The following LRRC4C variants were observed in gnomAD, a reference collection of about 807,000 sequenced individuals.
LRRC4C encodes leucine rich repeat containing 4C, also known as leucine-rich repeat-containing protein 4C.
A neutral mutation model predicts 33.6 loss-of-function variants in LRRC4C; 5 were observed. The observed-to-expected ratio is 0.15, with a 90% CI of 0.08 to 0.31. The LOEUF (loss-of-function observed/expected upper bound fraction) is 0.31, where lower values mean the gene tolerates loss of function less well. Ranked by LOEUF, LRRC4C falls within the 10% of genes least tolerant of loss-of-function variation. The pLI, the probability that LRRC4C is intolerant of heterozygous loss-of-function variation, is 1.00. For missense variants in LRRC4C, 560 were observed against 796.7 expected (o/e 0.70, Z 3.58); for synonymous variants, 329 against 302.0 (o/e 1.09, Z -0.93).
intron 3 of LRRC4C, among the ~76,000 whole-genome samples, chr11:40,493,173 A>G (rs1490211282): frequency 6.6e-6 from 1 of 152,004 alleles, no homozygotes; most frequent in Non-Finnish European, 1.5e-5. Context: ...ACAGCAGTAT[A>G]GAAATTTAAT....
intron 1 of LRRC4C, among the ~76,000 whole-genome samples, chr11:40,955,822 C>G (rs1214843177): frequency 1.3e-5 from 2 of 151,784 alleles, no homozygotes; most frequent in South Asian, 4.1e-4. Context: ...TTGTGGCTTC[C>G]CTTACAAAAT....
At chr11:40,577,526 G>A (rs568395691) in intron 3 of LRRC4C, among the ~76,000 whole-genome samples, 1 of 152,282 alleles carries the variant, frequency 6.6e-6, no homozygotes, top group South Asian at 2.1e-4. Context: ...TCTTAATGGG[G>A]TAGTGAAAAC....
At chr11:41,171,921 C>T (rs11036271) in intron 1 of LRRC4C, among the ~76,000 whole-genome samples, 11,104 of 151,950 alleles carry the variant, frequency 0.073, 552 homozygotes, top group African/African-American at 0.14. Flanking sequence ...AAAACAGTTA[C>T]GGCATCTCAC....
chr11:40,727,788 C>T (rs1186724336), intron 2 of LRRC4C, among the ~76,000 whole-genome samples: 1 of 152,104 alleles, frequency 6.6e-6, no homozygotes, highest in Non-Finnish European at 1.5e-5. Context: ...ATGACTCACA[C>T]CTGTAATCCC....
At chr11:40,825,331 C>T (rs1369911138) in intron 2 of LRRC4C, among the ~76,000 whole-genome samples, 2 of 151,910 alleles carry the variant, frequency 1.3e-5, no homozygotes, top group African/African-American at 4.8e-5. Flanking sequence ...ACGATTCCAT[C>T]ACCTCCTCTC....
chr11:41,198,599 A>C (rs976348997), intron 1 of LRRC4C, among the ~76,000 whole-genome samples: 1 of 143,610 alleles, frequency 7.0e-6, no homozygotes, highest in Non-Finnish European at 1.5e-5. Flanking sequence ...CCCTTCTGAC[A>C]AGAACAAGAA....
chr11:41,161,751 G>A (rs1233788860), intron 1 of LRRC4C, among the ~76,000 whole-genome samples: 1 of 152,078 alleles, frequency 6.6e-6, no homozygotes, highest in Non-Finnish European at 1.5e-5. Flanking sequence ...AAAATAATTG[G>A]TATCCTTTTA....
chr11:40,207,399 A>C (rs1014470135), intron 5 of LRRC4C, among the ~76,000 whole-genome samples: 1 of 152,216 alleles, frequency 6.6e-6, no homozygotes, highest in African/African-American at 2.4e-5. Context: ...AGAGTTCAAA[A>C]CCAGCCCAGG....
At chr11:40,159,685 G>T (rs772045967) in intron 5 of LRRC4C, among the ~76,000 whole-genome samples, 1 of 152,008 alleles carries the variant, frequency 6.6e-6, no homozygotes, top group Non-Finnish European at 1.5e-5. Context: ...AATCACTTCC[G>T]TACAAATACT....
intron 3 of LRRC4C, among the ~76,000 whole-genome samples, chr11:40,490,089 C>A (rs552439126): frequency 1.3e-5 from 2 of 151,974 alleles, no homozygotes; most frequent in South Asian, 4.2e-4. Context: ...ACAATGCCTG[C>A]CATATAGTGT....
chr11:40,424,161 T>C (rs2137775967), intron 3 of LRRC4C, among the ~76,000 whole-genome samples: 1 of 147,038 alleles, frequency 6.8e-6, no homozygotes, highest in African/African-American at 2.5e-5. Flanking sequence ...AATACTTAAA[T>C]GGCCTTCATA....
intron 1 of LRRC4C, among the ~76,000 whole-genome samples, chr11:41,374,002 T>C (rs1952850423): frequency 6.6e-6 from 1 of 152,174 alleles, no homozygotes. Context: ...TTTCATATCA[T>C]ATCAATACAT....
At chr11:40,401,686 C>T (rs1288956999) in intron 3 of LRRC4C, among the ~76,000 whole-genome samples, 2 of 152,044 alleles carry the variant, frequency 1.3e-5, no homozygotes, top group East Asian at 3.9e-4. Context: ...TGTGTGTTGC[C>T]CTCTACAGCC....
chr11:40,197,961 C>G (rs1256624644), intron 5 of LRRC4C, among the ~76,000 whole-genome samples: 1 of 152,052 alleles, frequency 6.6e-6, no homozygotes. Flanking sequence ...TAGACATGAT[C>G]ATTGATCTTA....
chr11:41,269,734 T>A (rs1949263221), intron 1 of LRRC4C, among the ~76,000 whole-genome samples: 2 of 152,124 alleles, frequency 1.3e-5, no homozygotes, highest in African/African-American at 4.8e-5. Flanking sequence ...CCACCCTCCT[T>A]TATAATAATT....
At chr11:40,566,239 T>C (rs996501464) in intron 3 of LRRC4C, among the ~76,000 whole-genome samples, 4 of 151,852 alleles carry the variant, frequency 2.6e-5, no homozygotes, top group African/African-American at 7.2e-5. Flanking sequence ...GATTTGCTCA[T>C]TATTTAAGTA....
chr11:40,542,403 C>A (rs1438471074), intron 3 of LRRC4C, among the ~76,000 whole-genome samples: 1 of 152,088 alleles, frequency 6.6e-6, no homozygotes, highest in Non-Finnish European at 1.5e-5. Context: ...GTTTTCAAAG[C>A]TGTGGCCCAG....
chr11:40,468,359 C>T (rs1389923435), intron 3 of LRRC4C, among the ~76,000 whole-genome samples: 1 of 152,118 alleles, frequency 6.6e-6, no homozygotes, highest in Non-Finnish European at 1.5e-5. Context: ...GAATTTCTTC[C>T]TCTTCTGTTA....
intron 1 of LRRC4C, among the ~76,000 whole-genome samples, chr11:41,417,307 T>C (rs749661199): frequency 6.6e-6 from 1 of 152,062 alleles, no homozygotes; most frequent in Non-Finnish European, 1.5e-5. Flanking sequence ...GAATCAGCCA[T>C]AGGGCCCTGA....
Sources: gnomAD v4.1 joint callset for allele counts (sites outside exome capture counted in the v4.1 genomes callset) on GRCh38, gnomAD v4.1.1 for gene constraint, MANE v1.5 for transcripts, NCBI Gene and HGNC (gene_info 2026-07-23, HGNC 2026-07-21) for gene names.